BRMS1L: variants seen among roughly 807,000 people sequenced by gnomAD.
The protein encoded by BRMS1L is breast cancer metastasis-suppressor 1-like protein.
BRMS1L carries 23 observed loss-of-function variants against 50.3 expected under a neutral mutation model. That is an observed-to-expected ratio of 0.46 (90% CI 0.33 to 0.65). The LOEUF is 0.65. Among genes scored for constraint, BRMS1L ranks in the 30% least tolerant of loss-of-function variants. BRMS1L has a pLI of 0.02. For synonymous variants in BRMS1L, 114 were observed against 126.9 expected, an observed-to-expected ratio of 0.90 and a Z score of 0.69; for missense variants, 286 against 386.1, an observed-to-expected ratio of 0.74 and a Z score of 2.17.
intron 4 of BRMS1L, among the ~76,000 whole-genome samples, chr14:35,835,927 G>C (rs1027163125): frequency 6.6e-6 from 1 of 152,156 alleles, no homozygotes; most frequent in Non-Finnish European, 1.5e-5. Context: ...ATCTAGACAA[G>C]ATTATAGATA....
chr14:35,868,577 T>C (rs1594352413), intron 9 of BRMS1L, among the ~76,000 whole-genome samples: 1 of 151,876 alleles, frequency 6.6e-6, no homozygotes, highest in Non-Finnish European at 1.5e-5. Flanking sequence ...AGGCCAGGAG[T>C]TCAAGACTAG....
chr14:35,849,733 T>C (rs1337754079), intron 4 of BRMS1L, among the ~76,000 whole-genome samples: 1 of 152,220 alleles, frequency 6.6e-6, no homozygotes, highest in Non-Finnish European at 1.5e-5. Flanking sequence ...TGTATGTTTT[T>C]GGGGGAATGT....
intron 4 of BRMS1L, among the ~76,000 whole-genome samples, chr14:35,840,478 G>A (rs968529335): frequency 6.6e-5 from 10 of 151,470 alleles, no homozygotes; most frequent in African/African-American, 2.2e-4. Context: ...AGTAGAATTC[G>A]GCTGTGAATC....
chr14:35,826,938 C>A (rs188544210), intron 1 of BRMS1L, among the ~76,000 whole-genome samples: 13 of 152,318 alleles, frequency 8.5e-5, no homozygotes, highest in Admixed American at 8.5e-4. Context: ...CCAGCCCAGG[C>A]GGACAACTTC....
intron 7 of BRMS1L, among the ~76,000 whole-genome samples, chr14:35,865,453 C>G: frequency 6.6e-6 from 1 of 152,074 alleles, no homozygotes; most frequent in Admixed American, 6.6e-5. Context: ...GCTTGTTTTC[C>G]ATATTACATT....
At chr14:35,847,439 T>C (rs1487830760) in intron 4 of BRMS1L, among the ~76,000 whole-genome samples, 5 of 152,158 alleles carry the variant, frequency 3.3e-5, no homozygotes, top group African/African-American at 1.2e-4. Context: ...CCTGGGACTA[T>C]AGGTGTGTGC....
chr14:35,845,528 T>G (rs989534883), intron 4 of BRMS1L, among the ~76,000 whole-genome samples: 1 of 152,218 alleles, frequency 6.6e-6, no homozygotes, highest in Non-Finnish European at 1.5e-5. Flanking sequence ...TTTCCTAATG[T>G]TAAACTATTC....
At chr14:35,837,335 TAC>T (rs1309998837) in intron 4 of BRMS1L, among the ~76,000 whole-genome samples, 1 of 152,202 alleles carries the variant, frequency 6.6e-6, no homozygotes, top group Non-Finnish European at 1.5e-5. Flanking sequence ...ATTTATTACA[TAC>T]ACCCTTGTTT....
chr14:35,868,471 T>G (rs1321699551), intron 9 of BRMS1L, among the ~76,000 whole-genome samples: 1 of 152,170 alleles, frequency 6.6e-6, no homozygotes, highest in Non-Finnish European at 1.5e-5. Flanking sequence ...AATAAAACCC[T>G]TAAGATTAAT....
chr14:35,837,755 A>G (rs980262887), intron 4 of BRMS1L, among the ~76,000 whole-genome samples: 2 of 152,092 alleles, frequency 1.3e-5, no homozygotes, highest in African/African-American at 2.4e-5. Flanking sequence ...AGGTTTCACC[A>G]TGTTGGCCAA....
In BRMS1L at chr14:35,830,099, C is replaced by T. The variant is rs139862373; in HGVS notation, c.143-1311C>T. 8.8e-3 allele frequency among the ~76,000 whole-genome samples: 1,344 copies of T among 151,866 alleles called. 15 individuals are homozygous for T. Among genetic ancestry groups the T allele is most frequent in the African/African-American group, 0.031 (1,283 of 41,416 alleles). ...TTTTCCTTTTTTTGAGATGGAGTTT[C>T]GCTCTTGTTGCCCAGGCTAGAGTGC... On this transcript the variant is annotated intron_variant, in intron 1 of 9. Coordinates refer to ENST00000216807, the MANE Select transcript of BRMS1L (RefSeq NM_032352.4).
At chr14:35,837,157 A>C (rs1228139679) in intron 4 of BRMS1L, among the ~76,000 whole-genome samples, 2 of 152,112 alleles carry the variant, frequency 1.3e-5, no homozygotes, top group Non-Finnish European at 2.9e-5. Flanking sequence ...TGGGAGTCTG[A>C]GACAGGAGAA....
intron 4 of BRMS1L, among the ~76,000 whole-genome samples, chr14:35,858,943 ATTT>A (rs199798027): frequency 1.5e-5 from 2 of 134,350 alleles, no homozygotes; most frequent in Non-Finnish European, 1.6e-5. Flanking sequence ...TATCTTACCC[ATTT>A]TTTTTTTTTT....
At chr14:35,837,880 TA>T (rs1306581126) in intron 4 of BRMS1L, among the ~76,000 whole-genome samples, 8 of 152,128 alleles carry the variant, frequency 5.3e-5, no homozygotes, top group Non-Finnish European at 1.2e-4. Flanking sequence ...AATTACTTTT[TA>T]AAAAAATTAT....
intron 4 of BRMS1L, among the ~76,000 whole-genome samples, chr14:35,837,515 G>C (rs1365464834): frequency 6.6e-6 from 1 of 151,952 alleles, no homozygotes; most frequent in South Asian, 2.1e-4. Flanking sequence ...AGTAAGTCTT[G>C]ATAACTCTGT....
At chr14:35,829,508 C>T (rs1051615678) in intron 1 of BRMS1L, among the ~76,000 whole-genome samples, 2 of 152,168 alleles carry the variant, frequency 1.3e-5, no homozygotes, top group Non-Finnish European at 2.9e-5. Flanking sequence ...TTGCAGTTTG[C>T]TTCTGTTAAA....
chr14:35,849,042 G>C (rs1393996619), intron 4 of BRMS1L, among the ~76,000 whole-genome samples: 1 of 151,840 alleles, frequency 6.6e-6, no homozygotes, highest in Non-Finnish European at 1.5e-5. Flanking sequence ...TTTTTATAGA[G>C]ACAGAATCTC....
At chr14:35,826,863 C>T (rs1005468481) in intron 1 of BRMS1L, 8 of 695,230 alleles carry the variant, frequency 1.2e-5, no homozygotes, top group Non-Finnish European at 1.8e-5. Flanking sequence ...CGGGGCGGGG[C>T]GGGCCTGGGC....
chr14:35,857,849 CTG>C (rs906323498), intron 4 of BRMS1L, among the ~76,000 whole-genome samples: 4 of 149,352 alleles, frequency 2.7e-5, no homozygotes, highest in African/African-American at 9.8e-5. Context: ...TTAGTTTTCT[CTG>C]TGTTTATCAA....
Sources: gnomAD v4.1 joint callset for allele counts (sites outside exome capture counted in the v4.1 genomes callset) on GRCh38, gnomAD v4.1.1 for gene constraint, MANE v1.5 for transcripts, NCBI Gene and HGNC (gene_info 2026-07-23, HGNC 2026-07-21) for gene names.